Variants in SAMHD1 observed in about 807,000 individuals in gnomAD.
The protein encoded by SAMHD1 is deoxynucleoside triphosphate triphosphohydrolase SAMHD1.
Under a neutral mutation model 79.6 loss-of-function variants are expected in SAMHD1, and 54 were observed. The ratio of observed to expected loss-of-function variants is 0.68; its 90% CI spans 0.55 to 0.85. SAMHD1 has a LOEUF of 0.85. Among genes scored for constraint, SAMHD1 ranks in the 40% least tolerant of loss-of-function variants. SAMHD1 has a pLI of 0.00. For missense variants in SAMHD1, 663 were observed against 782.7 expected, an observed-to-expected ratio of 0.85 and a Z score of 1.82; for synonymous variants, 260 against 264.1, an observed-to-expected ratio of 0.98 and a Z score of 0.15.
intron 13 of SAMHD1, among the ~76,000 whole-genome samples, chr20:36,903,592 C>G (rs1488685768): frequency 7.1e-5 from 10 of 141,178 alleles, no homozygotes; most frequent in Non-Finnish European, 1.5e-4. Flanking sequence ...CTCTGCTGCC[C>G]AGGCTGGAGT....
intron 2 of SAMHD1, among the ~76,000 whole-genome samples, chr20:36,946,147 C>T (rs938466182): frequency 9.9e-5 from 15 of 151,730 alleles, no homozygotes; most frequent in African/African-American, 2.4e-5. Context: ...GTGGGGCAGC[C>T]GGGCGCGGTA....
In SAMHD1 at chr20:36,911,544, A is replaced by G. The variant is rs1395968858; in HGVS notation, c.1155-211T>C. On this transcript the variant is annotated intron_variant, in intron 10 of 15. Transcript: ENST00000646673. ...TCCAGGCACTGTCGCAGGGCTTTGC[A>G]TTCACCATCTTATTTATTCCTCCCA... 1.7e-5 allele frequency: 9 copies of G among 532,514 alleles called. No individual in the cohort carries two copies. The East Asian group carries it at 2.7e-4, about 16-fold the overall frequency. The allele number at this position is 532,514 out of a possible 1,614,324, so 33.0% of individuals were successfully genotyped here.
chr20:36,909,384 T>C (rs2063423398), intron 11 of SAMHD1, among the ~76,000 whole-genome samples: 1 of 151,822 alleles, frequency 6.6e-6, no homozygotes, highest in African/African-American at 2.4e-5. Flanking sequence ...AAGAACCAGC[T>C]GTGGCTGGGC....
chr20:36,893,488 A>G, intron 15 of SAMHD1: 1 of 276,680 alleles, frequency 3.6e-6, no homozygotes, highest in Non-Finnish European at 6.8e-6. Flanking sequence ...GAGGAAGAAC[A>G]GTATGTACCT....
intron 12 of SAMHD1, 199 bp from the exon 13 acceptor site, chr20:36,904,448 G>C (rs2063393950): frequency 1.8e-6 from 1 of 545,960 alleles, no homozygotes; most frequent in South Asian, 1.9e-5. Flanking sequence ...GCCAGGCGCA[G>C]TGGCTCACGT....
Position 36,951,458 on chromosome 20 carries a change from C to T in SAMHD1, c.186G>A (p.Pro62=). 2 of 1,614,096 alleles carry T rather than the reference C, an allele frequency of 1.2e-6. No individual in the cohort carries two copies. The highest frequency in any genetic ancestry group is 2.2e-5 in the East Asian group (1 of 44,860). Residue 62 remains proline, a synonymous_variant, in exon 1 of 16, where the codon CCG becomes CCA. Coordinates refer to ENST00000646673, the MANE Select transcript of SAMHD1 (RefSeq NM_015474.4). The part of the protein sequence containing the change: ...SFLRRGGFEE[P]VLLKNIRENE... ...TACCTCGGATGTTCTTCAGCAGCAC[C>T]GGCTCTTCAAAGCCACCGCGCCTGA...
At chr20:36,942,832 A>AT (rs1312292129) in intron 2 of SAMHD1, among the ~76,000 whole-genome samples, 2 of 151,622 alleles carry the variant, frequency 1.3e-5, no homozygotes, top group African/African-American at 4.8e-5. Flanking sequence ...TTGTTTTTGT[A>AT]TTTTTAGTAG....
At chr20:36,938,895 C>T (rs575998769) in intron 3 of SAMHD1, among the ~76,000 whole-genome samples, 1 of 151,146 alleles carries the variant, frequency 6.6e-6, no homozygotes, top group African/African-American at 2.4e-5. Context: ...TATAGTTGAA[C>T]CAAAAATGTT....
intron 13 of SAMHD1, 127 bp downstream of exon 13, chr20:36,904,030 T>C (rs1053742132): frequency 1.2e-5 from 4 of 327,164 alleles, no homozygotes; most frequent in Non-Finnish European, 2.3e-5. Context: ...TTGGTTCTCT[T>C]TGTGAGGGCA....
chr20:36,912,889 G>GTTTTTTTTTTTTTTTT (rs71186089), intron 9 of SAMHD1, among the ~76,000 whole-genome samples: 3 of 41,104 alleles, frequency 7.3e-5, no homozygotes, highest in African/African-American at 2.1e-4. Context: ...TTCATTCTTT[G>GTTTTTTTTTTTTTTTT]TTTTTTTTTT....
At chr20:36,930,902 C>A in intron 4 of SAMHD1, 27 bp from the exon 5 acceptor site, 1 of 1,510,304 alleles carries the variant, frequency 6.6e-7, no homozygotes, top group Non-Finnish European at 9.2e-7. Context: ...CAAAAAGTCA[C>A]TTTTCTGTTT....
At chr20:36,906,929 C>T (rs1015866937) in intron 11 of SAMHD1, among the ~76,000 whole-genome samples, 1 of 151,476 alleles carries the variant, frequency 6.6e-6, no homozygotes, top group African/African-American at 2.4e-5. Context: ...GTAGCTGGAA[C>T]TACAGGTACA....
rs1294856839 is a variant in SAMHD1, at chr20:36,893,824, C to G, written c.1747-758G>C. ...CTCAGATCCATTCTTCACTCTTCCT[C>G]TCCCTACTCTGTCTCACAGGAGCTA... On this transcript the variant is annotated intron_variant, in intron 15 of 15. Transcript: ENST00000646673. The G allele has an allele frequency of 7.5e-6, 3 of 398,576 alleles. No homozygotes were observed. The East Asian group carries it at 1.1e-4, about 14-fold the overall frequency. 24.7% of individuals were successfully genotyped at this position (398,576 alleles called of 1,614,324 possible). A position where few individuals can be genotyped will look rare whatever the true frequency, so the allele number is the denominator to read the frequency against.
At chr20:36,951,102 C>T (rs1169882784) in intron 1 of SAMHD1, among the ~76,000 whole-genome samples, 1 of 152,264 alleles carries the variant, frequency 6.6e-6, no homozygotes, top group Non-Finnish European at 1.5e-5. Context: ...CAATCTACGA[C>T]TGCCCCTCCC....
At chr20:36,945,045 C>G (rs560378997) in intron 2 of SAMHD1, among the ~76,000 whole-genome samples, 1 of 152,170 alleles carries the variant, frequency 6.6e-6, no homozygotes, top group Non-Finnish European at 1.5e-5. Context: ...ATCTACCTAC[C>G]TACCTATCTG....
chr20:36,896,158 G>A (rs1990193431), intron 15 of SAMHD1, among the ~76,000 whole-genome samples: 1 of 151,888 alleles, frequency 6.6e-6, no homozygotes, highest in South Asian at 2.1e-4. Flanking sequence ...ATTTTTAGTA[G>A]AGACGGGGTT....
At chr20:36,940,891 G>C in intron 3 of SAMHD1, 148 bp downstream of exon 3, 4 of 667,218 alleles carry the variant, frequency 6.0e-6, no homozygotes, top group South Asian at 5.1e-5. Flanking sequence ...GCTCATTTTA[G>C]AAAGTGCAGA....
intron 11 of SAMHD1, among the ~76,000 whole-genome samples, chr20:36,906,672 C>T (rs1339579744): frequency 6.6e-6 from 1 of 151,838 alleles, no homozygotes; most frequent in African/African-American, 2.4e-5. Flanking sequence ...AAATGTTTTT[C>T]CTTTCTTTCA....
chr20:36,923,462 T>G (rs1601135485), intron 6 of SAMHD1, among the ~76,000 whole-genome samples: 1 of 151,752 alleles, frequency 6.6e-6, no homozygotes, highest in Admixed American at 6.6e-5. Context: ...ATAAATAAAG[T>G]AAGGGATTTT....
Sources: allele counts gnomAD v4.1 joint callset (sites outside exome capture counted in the v4.1 genomes callset), GRCh38; gene constraint gnomAD v4.1.1; transcripts MANE v1.5; gene names NCBI Gene and HGNC (gene_info 2026-07-23, HGNC 2026-07-21).